Variants in CTNND2 observed in about 807,000 individuals in gnomAD.
CTNND2 encodes the protein catenin delta 2.
Under a neutral mutation model 144.4 loss-of-function variants are expected in CTNND2, and 22 were observed. The observed-to-expected ratio is 0.15, with a 90% CI of 0.11 to 0.22. The LOEUF is 0.22. Ranked by LOEUF, CTNND2 falls within the 10% of genes least tolerant of loss-of-function variation. CTNND2 has a pLI of 1.00. For synonymous variants in CTNND2, 751 were observed against 695.6 expected (o/e 1.08, Z -1.25); for missense variants, 1,353 against 1,618.8 (o/e 0.84, Z 2.82).
intron 1 of CTNND2, among the ~76,000 whole-genome samples, chr5:11,808,671 A>G (rs780349643): frequency 6.6e-6 from 1 of 152,184 alleles, no homozygotes; most frequent in Non-Finnish European, 1.5e-5. Flanking sequence ...TCTCTACCAC[A>G]GGCAGAAACT....
chr5:11,144,771 C>T (rs746734665), intron 12 of CTNND2, among the ~76,000 whole-genome samples: 14 of 152,196 alleles, frequency 9.2e-5, no homozygotes, highest in South Asian at 2.1e-4. Flanking sequence ...TGTTGTTTTA[C>T]GGAGTGAGGT....
intron 3 of CTNND2, among the ~76,000 whole-genome samples, chr5:11,528,798 G>A (rs1482225082): frequency 6.6e-6 from 1 of 152,252 alleles, no homozygotes; most frequent in African/African-American, 2.4e-5. Context: ...ACAGAAGAAG[G>A]CCTTCCAGTG....
chr5:11,354,610 A>C (rs7735276), intron 8 of CTNND2, among the ~76,000 whole-genome samples: 4,647 of 152,312 alleles, frequency 0.031, 258 homozygotes, highest in East Asian at 0.15. Flanking sequence ...TTTAGAATAA[A>C]GAAAATTATT....
chr5:11,344,787 A>G (rs772457536), intron 9 of CTNND2, among the ~76,000 whole-genome samples: 1 of 152,150 alleles, frequency 6.6e-6, no homozygotes, highest in Non-Finnish European at 1.5e-5. Context: ...GAGCTGTGTC[A>G]ATATATTGAG....
At chr5:11,288,473 T>C (rs1383901750) in intron 9 of CTNND2, among the ~76,000 whole-genome samples, 1 of 152,200 alleles carries the variant, frequency 6.6e-6, no homozygotes, top group East Asian at 1.9e-4. Context: ...CTTGCATGGG[T>C]GTAATTATTA....
chr5:11,670,636 C>T (rs1003268198), intron 2 of CTNND2, among the ~76,000 whole-genome samples: 1 of 151,732 alleles, frequency 6.6e-6, no homozygotes, highest in Non-Finnish European at 1.5e-5. Flanking sequence ...TTATTTTGAA[C>T]CTTCCATCCC....
chr5:11,541,299 C>G (rs1246990604), intron 3 of CTNND2, among the ~76,000 whole-genome samples: 1 of 152,200 alleles, frequency 6.6e-6, no homozygotes, highest in African/African-American at 2.4e-5. Context: ...TGGTGCAAAA[C>G]ACTCTTGGAA....
intron 21 of CTNND2, among the ~76,000 whole-genome samples, chr5:10,981,281 T>C (rs775233798): frequency 2.2e-4 from 34 of 152,196 alleles, no homozygotes; most frequent in Non-Finnish European, 4.0e-4. Flanking sequence ...ATGCATTTCA[T>C]GTATTGCAGA....
At chr5:11,396,008 G>C (rs967456623) in intron 6 of CTNND2, among the ~76,000 whole-genome samples, 1 of 152,186 alleles carries the variant, frequency 6.6e-6, no homozygotes, top group African/African-American at 2.4e-5. Flanking sequence ...TGCCTGGATG[G>C]ATAACATCAA....
intron 1 of CTNND2, among the ~76,000 whole-genome samples, chr5:11,800,573 T>C (rs1791624305): frequency 6.6e-6 from 1 of 152,176 alleles, no homozygotes; most frequent in Non-Finnish European, 1.5e-5. Context: ...CCAGACACTC[T>C]ACTGAGCACC....
At chr5:11,662,030 TACAC>T (rs894145940) in intron 2 of CTNND2, among the ~76,000 whole-genome samples, 3 of 149,344 alleles carry the variant, frequency 2.0e-5, no homozygotes, top group Non-Finnish European at 3.0e-5. Flanking sequence ...CACACATATA[TACAC>T]ACACACACAC....
intron 11 of CTNND2, among the ~76,000 whole-genome samples, chr5:11,166,548 A>G (rs1030390863): frequency 6.6e-6 from 1 of 151,772 alleles, no homozygotes; most frequent in Admixed American, 6.6e-5. Flanking sequence ...CGCCCGGCCA[A>G]AAAAAGTTCA....
At chr5:11,329,690 G>C (rs192711448) in intron 9 of CTNND2, among the ~76,000 whole-genome samples, 1 of 152,200 alleles carries the variant, frequency 6.6e-6, no homozygotes, top group African/African-American at 2.4e-5. Context: ...GAGAGAAGAA[G>C]GTGGTCAGAG....
At chr5:11,250,483 C>CTATA (rs1265877831) in intron 9 of CTNND2, among the ~76,000 whole-genome samples, 231 of 65,308 alleles carry the variant, frequency 3.5e-3, no homozygotes, top group African/African-American at 9.2e-3. Flanking sequence ...CTCTCTCTCT[C>CTATA]TCTCTCTCTA....
At chr5:11,577,731 C>T (rs1441491214) in intron 2 of CTNND2, among the ~76,000 whole-genome samples, 1 of 152,148 alleles carries the variant, frequency 6.6e-6, no homozygotes, top group South Asian at 2.1e-4. Flanking sequence ...CAACAATGAT[C>T]CTAATTTTCT....
chr5:11,616,550 T>C (rs6554632), intron 2 of CTNND2, among the ~76,000 whole-genome samples: 75,568 of 151,168 alleles, frequency 0.5, 19,702 homozygotes, highest in Middle Eastern at 0.7. Flanking sequence ...TTGCTTCCTT[T>C]CTCCCTCCCT....
intron 10 of CTNND2, among the ~76,000 whole-genome samples, chr5:11,213,519 A>G (rs1028607118): frequency 8.5e-5 from 13 of 152,126 alleles, no homozygotes; most frequent in African/African-American, 2.9e-4. Context: ...AATATTATTC[A>G]CTCTTCATTT....
At chr5:11,199,347 A>T in intron 11 of CTNND2, 101 bp downstream of exon 11, 1 of 1,068,582 alleles carries the variant, frequency 9.4e-7, no homozygotes, top group Non-Finnish European at 1.4e-6. Context: ...CTATGTTATT[A>T]GAACACCACA....
At chr5:11,637,364 T>C (rs1781765514) in intron 2 of CTNND2, among the ~76,000 whole-genome samples, 1 of 152,194 alleles carries the variant, frequency 6.6e-6, no homozygotes, top group South Asian at 2.1e-4. Flanking sequence ...TATGCCACAA[T>C]GCCAGTTGAG....
Sources: gnomAD v4.1 joint callset for allele counts (sites outside exome capture counted in the v4.1 genomes callset) on GRCh38, gnomAD v4.1.1 for gene constraint, MANE v1.5 for transcripts, NCBI Gene and HGNC (gene_info 2026-07-23, HGNC 2026-07-21) for gene names.